The following KLF8 variants were observed in gnomAD, a reference collection of about 807,000 sequenced individuals.
The protein encoded by KLF8 is KLF transcription factor 8.
In KLF8, 10 loss-of-function variants were observed where a neutral mutation model predicts 18.2. That is an observed-to-expected ratio of 0.55 (90% confidence interval 0.34 to 0.93). KLF8 has a LOEUF of 0.93. Ranked by LOEUF, KLF8 falls within the 40% of genes least tolerant of loss-of-function variation. The probability of loss-of-function intolerance (pLI) is 0.02; values close to 1 mark genes in which losing one functional copy is unlikely to be tolerated. For synonymous variants in KLF8, 109 were observed against 97.3 expected (o/e 1.12, Z -0.71); for missense variants, 264 against 277.9 (o/e 0.95, Z 0.36).
the KLF8 span, among the ~76,000 whole-genome samples, chrX:55,948,874 C>G: frequency 8.9e-6 from 1 of 112,308 alleles, no homozygotes; most frequent in East Asian, 2.8e-4. Context: ...TGAGTTCTTA[C>G]ATGTAAAATA....
At chrX:55,933,433 C>T in the KLF8 span, among the ~76,000 whole-genome samples, 1 of 111,554 alleles carries the variant, frequency 9.0e-6, no homozygotes, top group African/African-American at 3.3e-5. Context: ...CTTTTTATGG[C>T]CCAAAACAGA....
chrX:56,156,232 TTTTG>T, the KLF8 span, among the ~76,000 whole-genome samples: 2 of 112,433 alleles, frequency 1.8e-5, no homozygotes, highest in South Asian at 7.3e-4. Context: ...GCAATTTCTT[TTTTG>T]TTTGTTTTCG....
At chrX:56,172,962 T>C in the KLF8 span, among the ~76,000 whole-genome samples, 1 of 112,219 alleles carries the variant, frequency 8.9e-6, no homozygotes, top group Non-Finnish European at 1.9e-5. Context: ...GGTTTTCTTA[T>C]AAATTTGTTT....
the KLF8 span, among the ~76,000 whole-genome samples, chrX:56,064,417 A>G: frequency 9.1e-6 from 1 of 109,550 alleles, no homozygotes; most frequent in Non-Finnish European, 1.9e-5. Context: ...TTACATGTGA[A>G]GTGAGTTTCT....
At chrX:56,131,597 G>T in the KLF8 span, among the ~76,000 whole-genome samples, 16 of 110,843 alleles carry the variant, frequency 1.4e-4, no homozygotes, top group East Asian at 4.5e-3. Context: ...AGGTATTCAG[G>T]CACAAATAGC....
the KLF8 span, among the ~76,000 whole-genome samples, chrX:56,046,077 TG>T: frequency 4.6e-5 from 3 of 65,151 alleles, no homozygotes; most frequent in Non-Finnish European, 1.4e-4. Flanking sequence ...TTTTGTCACA[TG>T]TTTTTTCTGC....
At chrX:56,016,110 G>A in the KLF8 span, among the ~76,000 whole-genome samples, 2 of 111,649 alleles carry the variant, frequency 1.8e-5, no homozygotes, top group Non-Finnish European at 3.8e-5. Flanking sequence ...TATTGAACCT[G>A]GGTTTTGGAA....
the KLF8 span, among the ~76,000 whole-genome samples, chrX:55,984,862 C>T: frequency 3.6e-5 from 4 of 111,181 alleles, no homozygotes; most frequent in Non-Finnish European, 5.7e-5. Context: ...TTGCATTTCT[C>T]TAATGATCAG....
the KLF8 span, among the ~76,000 whole-genome samples, chrX:56,007,309 A>T: frequency 9.1e-6 from 1 of 110,169 alleles, no homozygotes; most frequent in Non-Finnish European, 1.9e-5. Context: ...TGGGAGTCGT[A>T]CTCTCAAAAT....
the KLF8 span, among the ~76,000 whole-genome samples, chrX:56,043,415 C>A: frequency 9.0e-6 from 1 of 111,425 alleles, no homozygotes; most frequent in African/African-American, 3.3e-5. Flanking sequence ...TATTTTCCAA[C>A]TTGGTTCCAT....
At chrX:56,128,306 T>C in the KLF8 span, among the ~76,000 whole-genome samples, 1 of 111,903 alleles carries the variant, frequency 8.9e-6, no homozygotes, top group South Asian at 3.8e-4. Flanking sequence ...AATCATATCC[T>C]TTAGGCCTGG....
At chrX:56,093,638 T>G in the KLF8 span, among the ~76,000 whole-genome samples, 1 of 110,711 alleles carries the variant, frequency 9.0e-6, no homozygotes, top group South Asian at 3.7e-4. Context: ...GAAAAATAAA[T>G]AAAATACTTA....
At chrX:56,040,395 T>C in the KLF8 span, among the ~76,000 whole-genome samples, 1 of 111,985 alleles carries the variant, frequency 8.9e-6, no homozygotes. Flanking sequence ...TTGACTTCTG[T>C]TCCCTCGATA....
the KLF8 span, among the ~76,000 whole-genome samples, chrX:55,942,096 G>T: frequency 9.0e-6 from 1 of 111,221 alleles, no homozygotes; most frequent in Non-Finnish European, 1.9e-5. Context: ...TATTCACAAT[G>T]GCAAAGACTT....
chrX:56,037,363 G>T, the KLF8 span, among the ~76,000 whole-genome samples: 2 of 109,434 alleles, frequency 1.8e-5, no homozygotes, highest in African/African-American at 3.5e-5. Flanking sequence ...AGGAAGATTG[G>T]TCTGTTTTTT....
chrX:56,041,832 G>C, the KLF8 span, among the ~76,000 whole-genome samples: 2 of 111,508 alleles, frequency 1.8e-5, no homozygotes, highest in Admixed American at 1.9e-4. Flanking sequence ...TGGGACTACA[G>C]GCACATGCCA....
the KLF8 span, among the ~76,000 whole-genome samples, chrX:56,171,382 C>A: frequency 9.0e-6 from 1 of 111,545 alleles, no homozygotes; most frequent in Non-Finnish European, 1.9e-5. Flanking sequence ...GTATAGTATT[C>A]TTTTATTATA....
At chrX:56,253,809 G>A (rs111919452) in intron 2 of KLF8, among the ~76,000 whole-genome samples, 6,076 of 84,687 alleles carry the variant, frequency 0.072, 369 homozygotes, top group African/African-American at 0.19. Context: ...TGCCCAGGCC[G>A]GAGTGCAGTG....
At chrX:56,017,086 G>A in the KLF8 span, among the ~76,000 whole-genome samples, 2 of 111,933 alleles carry the variant, frequency 1.8e-5, no homozygotes, top group East Asian at 5.6e-4. Flanking sequence ...TACTACAGAG[G>A]CTGGTCTAGA....
Sources: gnomAD v4.1 joint callset for allele counts (sites outside exome capture counted in the v4.1 genomes callset) on GRCh38, gnomAD v4.1.1 for gene constraint, MANE v1.5 for transcripts, NCBI Gene and HGNC (gene_info 2026-07-23, HGNC 2026-07-21) for gene names.